Variants in BOLL observed in about 807,000 individuals in gnomAD.
BOLL encodes the protein boule RNA binding protein.
In BOLL, 23 loss-of-function variants were observed where a neutral mutation model predicts 44.4. The observed-to-expected ratio is 0.52, with a 90% CI of 0.37 to 0.73. BOLL has a LOEUF of 0.73. Among genes scored for constraint, BOLL ranks in the 30% least tolerant of loss-of-function variants. The pLI is 0.00. For missense variants in BOLL, 287 were observed against 338.3 expected (o/e 0.85, Z 1.19); for synonymous variants, 97 against 110.8 (o/e 0.88, Z 0.78).
chr2:197,757,611 G>A (rs1688577802), intron 7 of BOLL, among the ~76,000 whole-genome samples: 1 of 152,110 alleles, frequency 6.6e-6, no homozygotes, highest in Non-Finnish European at 1.5e-5. Flanking sequence ...AGGTGTAAAT[G>A]CCTGTGACCT....
At chr2:197,743,984 T>G (rs1385223433) in intron 9 of BOLL, among the ~76,000 whole-genome samples, 1 of 152,130 alleles carries the variant, frequency 6.6e-6, no homozygotes, top group Non-Finnish European at 1.5e-5. Flanking sequence ...TAATTTTTTG[T>G]ATTTTTAGTA....
chr2:197,737,231 A>G (rs1400996046), intron 10 of BOLL, among the ~76,000 whole-genome samples: 1 of 152,102 alleles, frequency 6.6e-6, no homozygotes, highest in Non-Finnish European at 1.5e-5. Flanking sequence ...CTTGCCTTCA[A>G]TGTAGTGCCA....
intron 9 of BOLL, among the ~76,000 whole-genome samples, chr2:197,749,046 A>C (rs1011314359): frequency 6.6e-6 from 1 of 152,284 alleles, no homozygotes; most frequent in African/African-American, 2.4e-5. Context: ...AGGAGCAGGC[A>C]GCAATCTTTG....
At chr2:197,772,102 G>T in intron 5 of BOLL, 120 bp from the exon 6 acceptor site, 1 of 774,934 alleles carries the variant, frequency 1.3e-6, no homozygotes, top group Non-Finnish European at 1.8e-6. Context: ...GGTAAAAATT[G>T]AATGTCACAG....
intron 10 of BOLL, among the ~76,000 whole-genome samples, chr2:197,732,101 G>A (rs1574794311): frequency 6.6e-6 from 1 of 150,472 alleles, no homozygotes; most frequent in South Asian, 2.1e-4. Context: ...GAATCAAATA[G>A]ACGCAATAAA....
chr2:197,784,494 G>C (rs1261682529), intron 1 of BOLL: 4 of 144,184 alleles, frequency 2.8e-5, no homozygotes, highest in African/African-American at 1.0e-4. Flanking sequence ...GCAGTGGCGT[G>C]ATTTCGGCTC....
chr2:197,780,147 A>G (rs890310389), intron 2 of BOLL, among the ~76,000 whole-genome samples: 1 of 152,088 alleles, frequency 6.6e-6, no homozygotes, highest in African/African-American at 2.4e-5. Context: ...CTCTGGTAGA[A>G]TAATCACTAC....
At chr2:197,758,665 A>G (rs1407683603) in intron 7 of BOLL, among the ~76,000 whole-genome samples, 1 of 152,252 alleles carries the variant, frequency 6.6e-6, no homozygotes, top group Non-Finnish European at 1.5e-5. Flanking sequence ...TGACCCTGCT[A>G]TAGACCAGAA....
chr2:197,728,851 G>A (rs1297051627), intron 10 of BOLL, among the ~76,000 whole-genome samples: 1 of 152,134 alleles, frequency 6.6e-6, no homozygotes, highest in African/African-American at 2.4e-5. Flanking sequence ...ATGAGGGATG[G>A]GTCAGCACAG....
chr2:197,735,021 C>T (rs1473793061), intron 10 of BOLL, among the ~76,000 whole-genome samples: 1 of 151,970 alleles, frequency 6.6e-6, no homozygotes, highest in African/African-American at 2.4e-5. Context: ...CAGAAAATTA[C>T]TGCAAAAATA....
rs574570755 is a variant in BOLL, at chr2:197,728,429, A to C, written c.*126T>G. On this transcript the variant is annotated 3_prime_UTR_variant, in exon 11 of 11. Transcript: ENST00000392296. Reference sequence around the variant, plus strand: ...TATAGTGGAATAACTGAGTATGGTGAGGTATTAACTAACACTAAGTTTCAC... The same window carrying C: ...TATAGTGGAATAACTGAGTATGGTGCGGTATTAACTAACACTAAGTTTCAC... 2.1e-6 allele frequency: 3 copies of C among 1,401,340 alleles called. No homozygotes were observed. Among genetic ancestry groups the C allele is most frequent in the Non-Finnish European group, 3.0e-6 (3 of 996,218 alleles). 86.8% of individuals were successfully genotyped at this position (1,401,340 alleles called of 1,614,324 possible). A position where few individuals can be genotyped will look rare whatever the true frequency, so the allele number is the denominator to read the frequency against.
intron 9 of BOLL, among the ~76,000 whole-genome samples, chr2:197,754,381 GA>G (rs1688406002): frequency 1.3e-5 from 2 of 152,070 alleles, no homozygotes; most frequent in African/African-American, 4.8e-5. Flanking sequence ...ACTCAAGATG[GA>G]TTAAAGACTT....
intron 10 of BOLL, among the ~76,000 whole-genome samples, chr2:197,734,540 C>A (rs1687381166): frequency 6.6e-6 from 1 of 152,106 alleles, no homozygotes; most frequent in Non-Finnish European, 1.5e-5. Context: ...TTCACAATAG[C>A]AAAGACTTGG....
At chr2:197,762,427 C>T (rs1688803912) in intron 7 of BOLL, among the ~76,000 whole-genome samples, 1 of 152,072 alleles carries the variant, frequency 6.6e-6, no homozygotes, top group African/African-American at 2.4e-5. Context: ...ATTTAGAGAA[C>T]ATTTAACTGA....
chr2:197,766,495 A>C (rs1481370447), intron 7 of BOLL, 37 bp downstream of exon 7: 4 of 1,511,570 alleles, frequency 2.6e-6, no homozygotes, highest in Non-Finnish European at 3.7e-6. Context: ...AAGGACTGAA[A>C]GTTTCAGAGA....
intron 9 of BOLL, among the ~76,000 whole-genome samples, chr2:197,744,410 A>C (rs1325354869): frequency 6.6e-6 from 1 of 152,210 alleles, no homozygotes; most frequent in Non-Finnish European, 1.5e-5. Flanking sequence ...ATGGAAACCA[A>C]GGGTAGGAAG....
chr2:197,785,872 T>C (rs186284733), upstream of BOLL: 146 of 920,104 alleles, frequency 1.6e-4, 1 homozygote, highest in East Asian at 2.4e-3. This position sits in a 1 kb window ranked among gnomAD's most constrained non-coding sequence, Gnocchi z 6.7. Flanking sequence ...CCCAACCAGA[T>C]AGCGAGCGTT....
At chr2:197,760,029 A>T (rs1688682267) in intron 7 of BOLL, among the ~76,000 whole-genome samples, 1 of 152,138 alleles carries the variant, frequency 6.6e-6, no homozygotes, top group African/African-American at 2.4e-5. Context: ...CCCCTCCAGC[A>T]GACACGTCCC....
chr2:197,786,087 G>A (rs1211588430), upstream of BOLL: 4 of 1,536,378 alleles, frequency 2.6e-6, no homozygotes, highest in African/African-American at 5.5e-5. The surrounding 1 kb of genome is among the most constrained non-coding windows in gnomAD (Gnocchi z 5.9). Context: ...CAGCAGCGCT[G>A]CTTGTCCTGC....
Sources: allele counts gnomAD v4.1 joint callset (sites outside exome capture counted in the v4.1 genomes callset), GRCh38; gene constraint gnomAD v4.1.1; non-coding constraint Gnocchi (gnomAD v3.1); transcripts MANE v1.5; gene names NCBI Gene and HGNC (gene_info 2026-07-23, HGNC 2026-07-21).